Variants in NOL4 observed in about 807,000 individuals in gnomAD.
NOL4 encodes the protein nucleolar protein 4.
Under a neutral mutation model 75.9 loss-of-function variants are expected in NOL4, and 17 were observed. The observed-to-expected ratio is 0.22, with a 90% CI of 0.15 to 0.34. The LOEUF (loss-of-function observed/expected upper bound fraction) is 0.34. NOL4 is among the 10% of genes least tolerant of loss of function. The pLI is 1.00. For synonymous variants in NOL4, 292 were observed against 289.9 expected, an observed-to-expected ratio of 1.01 and a Z score of -0.07; for missense variants, 614 against 793.5, an observed-to-expected ratio of 0.77 and a Z score of 2.72.
chr18:34,077,139 C>G (rs943216707), intron 5 of NOL4, among the ~76,000 whole-genome samples: 2 of 152,002 alleles, frequency 1.3e-5, no homozygotes, highest in Non-Finnish European at 1.5e-5. Context: ...AACCCGGTCT[C>G]TACAAAAAAT....
rs372445475 is a variant in NOL4, at chr18:33,961,479, C to T, written c.1057-3061G>A. 1.7e-3 allele frequency among the ~76,000 whole-genome samples: 252 copies of T among 152,230 alleles called. 4 individuals are homozygous for T. The South Asian group carries it at 0.028, about 17-fold the overall frequency. ...TGGTTCTTAGGGCTTCAAACTTGAA[C>T]TGAACTCCACCACTGGCTTTCCTGG... On this transcript the variant is annotated intron_variant, in intron 6 of 10. Transcript: ENST00000261592.
At chr18:33,972,876 G>A (rs1044945233) in intron 6 of NOL4, among the ~76,000 whole-genome samples, 3 of 152,162 alleles carry the variant, frequency 2.0e-5, no homozygotes, top group African/African-American at 7.2e-5. Context: ...TCTTTTTGCT[G>A]GAAGAAGGTC....
At chr18:34,115,319 C>G (rs1039264032) in intron 2 of NOL4, among the ~76,000 whole-genome samples, 1 of 152,094 alleles carries the variant, frequency 6.6e-6, no homozygotes, top group Non-Finnish European at 1.5e-5. Flanking sequence ...CAGTCACATC[C>G]ACCATGGCCA....
At chr18:34,161,046 CCACATGAGTGAGAATA>C (rs2031391184) in intron 1 of NOL4, among the ~76,000 whole-genome samples, 2 of 152,272 alleles carry the variant, frequency 1.3e-5, no homozygotes, top group Admixed American at 1.3e-4. Context: ...TTCTTAGCTT[CCACATGAGTGAGAATA>C]CGTGGTATTT....
intron 10 of NOL4, among the ~76,000 whole-genome samples, chr18:33,861,527 T>G (rs934578236): frequency 1.3e-5 from 2 of 152,126 alleles, no homozygotes; most frequent in African/African-American, 4.8e-5. Flanking sequence ...TTCTCTCTTT[T>G]TTTCTTTATT....
At chr18:33,988,190 T>C (rs1047877421) in intron 6 of NOL4, among the ~76,000 whole-genome samples, 2 of 152,074 alleles carry the variant, frequency 1.3e-5, no homozygotes, top group Non-Finnish European at 2.9e-5. Flanking sequence ...CAAGGTGTAA[T>C]TGACTCTACA....
intron 1 of NOL4, among the ~76,000 whole-genome samples, chr18:34,210,146 T>C (rs1223423214): frequency 6.6e-6 from 1 of 152,230 alleles, no homozygotes; most frequent in African/African-American, 2.4e-5. Flanking sequence ...TACTAATGTA[T>C]AATTATTTGC....
intron 2 of NOL4, among the ~76,000 whole-genome samples, chr18:34,127,561 G>A (rs2080443648): frequency 6.6e-6 from 1 of 151,886 alleles, no homozygotes; most frequent in South Asian, 2.1e-4. Context: ...TTCAGCATTA[G>A]TATTAAGAAT....
At chr18:34,177,918 TAA>T (rs2033689886) in intron 1 of NOL4, among the ~76,000 whole-genome samples, 1 of 151,728 alleles carries the variant, frequency 6.6e-6, no homozygotes, top group Non-Finnish European at 1.5e-5. Context: ...CAAGAAGAAA[TAA>T]AGACCTCTAC....
chr18:34,174,501 C>T (rs1041005535), intron 1 of NOL4, among the ~76,000 whole-genome samples: 1 of 151,862 alleles, frequency 6.6e-6, no homozygotes. Context: ...TTTCAGTAGC[C>T]TTGAAAAATA....
intron 1 of NOL4, among the ~76,000 whole-genome samples, chr18:34,153,488 T>C (rs2081745292): frequency 6.6e-6 from 1 of 152,004 alleles, no homozygotes; most frequent in South Asian, 2.1e-4. Flanking sequence ...ATAATAATTA[T>C]CTATTATTCC....
At chr18:34,130,131 ATATAGGAAACGTCAAAAAT>A in intron 1 of NOL4, 111 bp from the exon 2 acceptor site, 1 of 1,036,802 alleles carries the variant, frequency 9.6e-7, no homozygotes, top group Non-Finnish European at 1.3e-6. Flanking sequence ...AAAATCATCT[ATATAGGAAACGTCAAAAAT>A]TCATGAATGA....
At chr18:34,018,346 G>T (rs886289419) in intron 6 of NOL4, among the ~76,000 whole-genome samples, 3 of 152,090 alleles carry the variant, frequency 2.0e-5, no homozygotes, top group African/African-American at 7.2e-5. Context: ...CTTAGGTGTC[G>T]GCTAATGTCC....
chr18:34,025,579 G>A (rs1267893542), intron 5 of NOL4, among the ~76,000 whole-genome samples: 1 of 152,160 alleles, frequency 6.6e-6, no homozygotes, highest in Non-Finnish European at 1.5e-5. Flanking sequence ...CTATTTGTGT[G>A]CACACTGGCT....
intron 5 of NOL4, among the ~76,000 whole-genome samples, chr18:34,072,056 C>T (rs1420392985): frequency 6.6e-6 from 1 of 151,992 alleles, no homozygotes; most frequent in Non-Finnish European, 1.5e-5. Context: ...GATGGTGAAA[C>T]CACATCTCTA....
At chr18:34,180,008 A>T (rs1040342716) in intron 1 of NOL4, among the ~76,000 whole-genome samples, 34 of 151,634 alleles carry the variant, frequency 2.2e-4, no homozygotes, top group African/African-American at 8.2e-4. Context: ...TACTTTCTAC[A>T]AAGAAAGCCA....
chr18:33,880,050 G>C (rs921403360), intron 10 of NOL4, among the ~76,000 whole-genome samples: 5 of 152,018 alleles, frequency 3.3e-5, no homozygotes, highest in African/African-American at 1.2e-4. Context: ...TAAACCGATG[G>C]GTAGAAATTG....
chr18:33,981,294 T>TA (rs151122938), intron 6 of NOL4, among the ~76,000 whole-genome samples: 59,599 of 147,674 alleles, frequency 0.4, 12,247 homozygotes, highest in Non-Finnish European at 0.44. Flanking sequence ...TGACTGAAAT[T>TA]AAAAAAAAAA....
At chr18:34,161,890 A>AT (rs1420886290) in intron 1 of NOL4, among the ~76,000 whole-genome samples, 1 of 152,108 alleles carries the variant, frequency 6.6e-6, no homozygotes, top group African/African-American at 2.4e-5. Context: ...TCCATAGATT[A>AT]TTTTTCTAAG....
Sources: gnomAD v4.1 joint callset for allele counts (sites outside exome capture counted in the v4.1 genomes callset) on GRCh38, gnomAD v4.1.1 for gene constraint, MANE v1.5 for transcripts, NCBI Gene and HGNC (gene_info 2026-07-23, HGNC 2026-07-21) for gene names.